The following PCDHGA2 variants were observed in gnomAD, a reference collection of about 807,000 sequenced individuals.
PCDHGA2 encodes protocadherin gamma-A2.
PCDHGA2 carries 40 observed loss-of-function variants against 59.2 expected under a neutral mutation model. The observed-to-expected ratio is 0.68, with a 90% CI of 0.52 to 0.88. The LOEUF is 0.88. Ranked by LOEUF, PCDHGA2 falls within the 40% of genes least tolerant of loss-of-function variation. PCDHGA2 has a pLI of 0.00. For missense variants in PCDHGA2, 1,226 were observed against 1,204.0 expected (o/e 1.02, Z -0.27); for synonymous variants, 560 against 526.0 (o/e 1.06, Z -0.89).
intron 1 of PCDHGA2, among the ~76,000 whole-genome samples, chr5:141,369,528 C>T (rs952225187): frequency 6.6e-6 from 1 of 152,120 alleles, no homozygotes; most frequent in Non-Finnish European, 1.5e-5. Context: ...TTCAATCATA[C>T]TTATTTAATT....
chr5:141,484,924 T>C (rs1453592037), intron 1 of PCDHGA2: 7 of 484,872 alleles, frequency 1.4e-5, no homozygotes, highest in Non-Finnish European at 2.2e-5. Context: ...ACCCTGCTGC[T>C]GTTGGGACGT....
intron 3 of PCDHGA2, chr5:141,508,010 CAAG>C (rs2099865550): frequency 6.6e-6 from 1 of 152,308 alleles, no homozygotes; most frequent in Non-Finnish European, 1.5e-5. Context: ...GGGATGCTCT[CAAG>C]GAGGCTGCGG....
intron 1 of PCDHGA2, chr5:141,384,186 T>A: frequency 6.2e-7 from 1 of 1,613,730 alleles, no homozygotes; most frequent in Non-Finnish European, 8.5e-7. Flanking sequence ...ATGGTGGAAC[T>A]CCTCCCTTGT....
chr5:141,483,255 GTTTT>G (rs147039946), intron 1 of PCDHGA2, among the ~76,000 whole-genome samples: 7,425 of 152,114 alleles, frequency 0.049, 355 homozygotes, highest in African/African-American at 0.13. Context: ...ATATCATGAG[GTTTT>G]TTTGTTTTAG....
At chr5:141,446,860 G>A (rs969206755) in intron 1 of PCDHGA2, among the ~76,000 whole-genome samples, 17 of 152,162 alleles carry the variant, frequency 1.1e-4, no homozygotes, top group African/African-American at 3.9e-4. Flanking sequence ...CTTCCTGATA[G>A]CTCTACACTG....
At chr5:141,385,826 TTACAG>T (rs2090363283) in intron 1 of PCDHGA2, 1 of 155,578 alleles carries the variant, frequency 6.4e-6, no homozygotes, top group Non-Finnish European at 1.4e-5. Flanking sequence ...CTTGACCTAT[TTACAG>T]TATAATCATT....
chr5:141,414,620 A>G, intron 1 of PCDHGA2: 4 of 1,613,938 alleles, frequency 2.5e-6, no homozygotes, highest in Non-Finnish European at 3.4e-6. Flanking sequence ...ACAGCGCTGG[A>G]CCCGGACAGC....
At chr5:141,423,173 A>T (rs2096717258) in intron 1 of PCDHGA2, 1 of 1,613,330 alleles carries the variant, frequency 6.2e-7, no homozygotes, top group South Asian at 1.1e-5. Flanking sequence ...GCCGTCCAGG[A>T]CCACGGCCAG....
intron 1 of PCDHGA2, chr5:141,351,327 C>A: frequency 1.9e-6 from 3 of 1,613,716 alleles, no homozygotes; most frequent in Non-Finnish European, 2.5e-6. Flanking sequence ...CCAGAGGATT[C>A]AGACCTTGGA....
Position 141,340,883 on chromosome 5 carries a change from C to G in PCDHGA2, c.1912C>G (p.Leu638Val). 6.2e-7 allele frequency: 1 copy of G among 1,613,690 alleles called. No individual in the cohort carries two copies. The highest frequency in any genetic ancestry group is 8.5e-7 in the Non-Finnish European group (1 of 1,179,928). The change falls in exon 1 of 4, where the codon CTC (leucine) becomes GTC (valine). Residue 638 changes from leucine to valine, a missense_variant. Leu to Val is a conservative substitution (Grantham distance 32, BLOSUM62 1). Transcript: ENST00000394576. ...GCGAGCCCTGCTGGACAGAGACGCG[C>G]TCAAGCAGAGCCTCGTGGTGGCCAT... is the stretch of plus-strand genomic sequence containing the variant. ...TARALLDRDA[L>V]KQSLVVAIQD...
intron 1 of PCDHGA2, chr5:141,427,247 T>C (rs1409945260): frequency 2.2e-6 from 1 of 456,582 alleles, no homozygotes; most frequent in Non-Finnish European, 4.4e-6. Context: ...AAGCTAAGGA[T>C]GGTGGAGGCA....
rs2099394923 is a variant in PCDHGA2 at position 141,476,611 on chromosome 5, A to G, written c.2425-18196A>G. On this transcript the variant is annotated intron_variant, in intron 1 of 3. Coordinates refer to ENST00000394576, the MANE Select transcript of PCDHGA2 (RefSeq NM_018915.4). The surrounding 1 kb of genome is among the most constrained non-coding windows in gnomAD (Gnocchi z 7.6). ...AGAGCGCGCACGATCCCGATGTGGG[A>G]AGCAACTCTTTACAAACCTATGAGC... 6.2e-7 allele frequency: 1 copy of G among 1,614,092 alleles called. No individual in the cohort carries two copies. Among genetic ancestry groups the G allele is most frequent in the Non-Finnish European group, 8.5e-7 (1 of 1,180,042 alleles).
rs774103190 is a variant in PCDHGA2 at position 141,344,311 on chromosome 5, A to G, written c.2424+2916A>G. The G allele has an allele frequency of 3.7e-6, 6 of 1,613,972 alleles. No individual in the cohort carries two copies. In the African/African-American group the frequency reaches 6.7e-5, roughly 18 times the overall value. On this transcript the variant is annotated intron_variant, in intron 1 of 3. Coordinates refer to ENST00000394576, the MANE Select transcript of PCDHGA2 (RefSeq NM_018915.4). ...GTCACCGCGGAGAGGATAGACCGGGAGGAGCTCTGCGCTCAGATCCCGCTG... is the reference window on the plus strand; with the variant it reads ...GTCACCGCGGAGAGGATAGACCGGGGGGAGCTCTGCGCTCAGATCCCGCTG...
chr5:141,485,867 G>A lies in PCDHGA2; in HGVS notation c.2425-8940G>A. On this transcript the variant is annotated intron_variant, in intron 1 of 3. Coordinates refer to ENST00000394576, the MANE Select transcript of PCDHGA2 (RefSeq NM_018915.4). The surrounding 1 kb of genome is among the most constrained non-coding windows in gnomAD (Gnocchi z 5.7). ...TGGCACCGCAGAGCTCCGGGTATCC[G>A]TGCTGGACGTAAACGACAACGCCCC... The A allele has an allele frequency of 1.9e-6, 3 of 1,614,164 alleles. No homozygotes were observed. Among genetic ancestry groups the A allele is most frequent in the Non-Finnish European group, 8.5e-7 (1 of 1,180,040 alleles).
chr5:141,367,052 A>G (rs936203558), intron 1 of PCDHGA2: 4 of 325,986 alleles, frequency 1.2e-5, no homozygotes, highest in African/African-American at 6.6e-5. Flanking sequence ...AATAGAAAAG[A>G]TGTTTTATTT....
chr5:141,380,968 A>T (rs1005346854), intron 1 of PCDHGA2, among the ~76,000 whole-genome samples: 1 of 152,270 alleles, frequency 6.6e-6, no homozygotes, highest in African/African-American at 2.4e-5. Flanking sequence ...AAGTACTATT[A>T]AACAAATAGA....
chr5:141,475,553 T>A (rs1159585016), intron 1 of PCDHGA2, among the ~76,000 whole-genome samples: 2 of 152,260 alleles, frequency 1.3e-5, no homozygotes, highest in Non-Finnish European at 2.9e-5. Flanking sequence ...GTCCGGCTAA[T>A]TGTCTGTCTT....
chr5:141,362,588 GT>G (rs1561527574), intron 1 of PCDHGA2: 1 of 1,592,210 alleles, frequency 6.3e-7, no homozygotes, highest in African/African-American at 1.4e-5. Flanking sequence ...TTCACTTCTG[GT>G]TTTATTGTTT....
chr5:141,371,427 C>G lies in PCDHGA2; in HGVS notation c.2424+30032C>G, dbSNP rs773502490. The stretch of plus-strand genomic sequence containing the variant: ...TATTTCAGATGAAAATGACAATGCC[C>G]CGGAGATAACCCTGGCTTCTGAATC... On this transcript the variant is annotated intron_variant, in intron 1 of 3. Transcript: ENST00000394576. 1.9e-6 allele frequency: 3 copies of G among 1,613,898 alleles called. No homozygotes were observed. Among genetic ancestry groups the G allele is most frequent in the South Asian group, 2.2e-5 (2 of 91,072 alleles).
Sources: gnomAD v4.1 joint callset for allele counts (sites outside exome capture counted in the v4.1 genomes callset) on GRCh38, gnomAD v4.1.1 for gene constraint, Gnocchi (gnomAD v3.1) non-coding constraint, MANE v1.5 for transcripts, NCBI Gene and HGNC (gene_info 2026-07-23, HGNC 2026-07-21) for gene names.